PLGRKT: variants seen among roughly 807,000 people sequenced by gnomAD.
The protein encoded by PLGRKT is plasminogen receptor (KT).
Under a neutral mutation model 18.5 loss-of-function variants are expected in PLGRKT, and 22 were observed. The ratio of observed to expected loss-of-function variants is 1.19; its 90% confidence interval spans 0.85 to 1.70. PLGRKT has a LOEUF of 1.70. Ranked by LOEUF, PLGRKT falls within the 40% of genes most tolerant of loss-of-function variation. PLGRKT has a pLI of 0.00. For missense variants in PLGRKT, 235 were observed against 174.4 expected (o/e 1.35, Z -1.96); for synonymous variants, 72 against 52.8 (o/e 1.36, Z -1.58).
chr9:5,425,219 G>C (rs1449523129), intron 3 of PLGRKT, among the ~76,000 whole-genome samples: 2 of 152,120 alleles, frequency 1.3e-5, no homozygotes, highest in African/African-American at 4.8e-5. Flanking sequence ...AATTAGTTTA[G>C]GTGTGCCTCC....
intron 3 of PLGRKT, among the ~76,000 whole-genome samples, chr9:5,416,878 C>A (rs1347450958): frequency 6.6e-6 from 1 of 152,214 alleles, no homozygotes; most frequent in African/African-American, 2.4e-5. Context: ...AACTGTTCTA[C>A]TTTCACTTCC....
intron 3 of PLGRKT, among the ~76,000 whole-genome samples, chr9:5,430,333 G>C (rs533768970): frequency 1.3e-5 from 2 of 152,208 alleles, no homozygotes; most frequent in African/African-American, 2.4e-5. Context: ...GACGTGCTAA[G>C]CATCGGATAG....
intron 3 of PLGRKT, among the ~76,000 whole-genome samples, chr9:5,393,318 T>C (rs7031716): frequency 0.29 from 43,884 of 151,708 alleles, 6,728 homozygotes; most frequent in African/African-American, 0.32. Flanking sequence ...TGTAATAATA[T>C]GAAATATATT....
intron 3 of PLGRKT, among the ~76,000 whole-genome samples, chr9:5,366,008 G>A (rs1393237670): frequency 6.6e-6 from 1 of 152,088 alleles, no homozygotes; most frequent in East Asian, 1.9e-4. Flanking sequence ...CTCTCCATGA[G>A]CAAAACATTC....
rs367638144 is a variant in PLGRKT, at chr9:5,369,733, T to C, written c.82-7845A>G. Among the ~76,000 whole-genome samples, 5 of 152,308 alleles carry C rather than the reference T, an allele frequency of 3.3e-5. No homozygotes were observed. In the East Asian group the frequency reaches 5.8e-4, roughly 18 times the overall value. On this transcript the variant is annotated intron_variant, in intron 3 of 5. Transcript: ENST00000223864. The stretch of plus-strand genomic sequence containing the variant: ...CTGGCTAAAGAAAATGTGGCACATA[T>C]ACACAATGGAATACTGTGTAGCCAT...
At chr9:5,378,298 C>A (rs938890176) in intron 3 of PLGRKT, among the ~76,000 whole-genome samples, 1 of 152,156 alleles carries the variant, frequency 6.6e-6, no homozygotes, top group Non-Finnish European at 1.5e-5. Flanking sequence ...ACCTTCCTTC[C>A]CTATTCCCAG....
At chr9:5,359,518 G>A (rs1186924972) in intron 5 of PLGRKT, among the ~76,000 whole-genome samples, 1 of 152,196 alleles carries the variant, frequency 6.6e-6, no homozygotes, top group African/African-American at 2.4e-5. Context: ...GGCCATTGAT[G>A]ACAGACTAGA....
chr9:5,399,056 C>T (rs893930034), intron 3 of PLGRKT, among the ~76,000 whole-genome samples: 1 of 151,436 alleles, frequency 6.6e-6, no homozygotes, highest in African/African-American at 2.4e-5. Context: ...TTATTCACCA[C>T]ACATTTCCTC....
Position 5,363,226 on chromosome 9 carries a change from T to C in PLGRKT, c.82-1338A>G, listed in dbSNP as rs1377568258. Among the ~76,000 whole-genome samples, 146 of 151,836 alleles carry C rather than the reference T, an allele frequency of 9.6e-4. 1 individual carries two copies. Among genetic ancestry groups the C allele is most frequent in the Non-Finnish European group, 5.9e-5 (4 of 67,938 alleles). ...GCAGCACCCGAGAGTGCTTTTCTGC[T>C]TTGTTTTCTGTTCAATCAACCTGGA... On this transcript the variant is annotated intron_variant, in intron 3 of 5. Transcript: ENST00000223864.
At chr9:5,381,777 G>T in intron 3 of PLGRKT, 1 of 531,638 alleles carries the variant, frequency 1.9e-6, no homozygotes, top group Non-Finnish European at 2.4e-6. Flanking sequence ...TTTATTGTTT[G>T]GAAGTTGGTC....
chr9:5,434,711 C>T (rs12004519), intron 2 of PLGRKT, among the ~76,000 whole-genome samples: 3,447 of 150,996 alleles, frequency 0.023, 127 homozygotes, highest in African/African-American at 0.079. Flanking sequence ...TCTGCCTGGC[C>T]GCTCCGTCTG....
chr9:5,366,911 T>G lies in PLGRKT; in HGVS notation c.82-5023A>C, dbSNP rs116000983. ...CCTAATAAACAACTTCAGTAAAGTT[T>G]CAAGATACAAAATCAACAAACAAAA... On this transcript the variant is annotated intron_variant, in intron 3 of 5. Transcript: ENST00000223864. Among the ~76,000 whole-genome samples, 1,123 of 152,132 alleles carry G rather than the reference T, an allele frequency of 7.4e-3. 14 individuals are homozygous for G. Among genetic ancestry groups the G allele is most frequent in the African/African-American group, 0.026 (1,078 of 41,496 alleles).
intron 3 of PLGRKT, among the ~76,000 whole-genome samples, chr9:5,363,598 G>A (rs768959204): frequency 6.6e-6 from 1 of 152,118 alleles, no homozygotes; most frequent in Non-Finnish European, 1.5e-5. Flanking sequence ...TTTATGCTCT[G>A]CAGTACCTGC....
intron 3 of PLGRKT, among the ~76,000 whole-genome samples, chr9:5,385,630 T>C (rs1254958772): frequency 2.6e-5 from 4 of 151,540 alleles, no homozygotes; most frequent in Admixed American, 6.6e-5. Context: ...TTGGAGAAAG[T>C]AAGGAAGAAC....
In PLGRKT at chr9:5,358,220, T is replaced by G; in HGVS notation, c.*19A>C. The G allele has an allele frequency of 1.3e-6, 2 of 1,593,140 alleles. No homozygotes were observed. On this transcript the variant is annotated 3_prime_UTR_variant, in exon 6 of 6. Transcript: ENST00000223864. The stretch of plus-strand genomic sequence containing the variant: ...AGTCAATAATTCTGTGCTTTGAGAT[T>G]TGATTGGTAAGCATGATTTCATTTG...
intron 3 of PLGRKT, among the ~76,000 whole-genome samples, chr9:5,430,210 G>A (rs1235895594): frequency 6.6e-6 from 1 of 152,174 alleles, no homozygotes; most frequent in Admixed American, 6.5e-5. Context: ...TCTGTAATAG[G>A]CTAACACGTT....
At chr9:5,404,585 T>C (rs1474712145) in intron 3 of PLGRKT, among the ~76,000 whole-genome samples, 1 of 152,200 alleles carries the variant, frequency 6.6e-6, no homozygotes, top group East Asian at 1.9e-4. Context: ...CATCGCTTCA[T>C]GTTAAAAACT....
intron 3 of PLGRKT, among the ~76,000 whole-genome samples, chr9:5,387,998 T>C (rs951796221): frequency 1.3e-5 from 2 of 151,838 alleles, no homozygotes; most frequent in Non-Finnish European, 2.9e-5. Context: ...GGTGACATGA[T>C]GTGTCAAGCA....
At position 5,429,316 on chromosome 9, in the gene PLGRKT, G is replaced by A. The variant is rs866387280; in HGVS notation, c.81+2581C>T. On this transcript the variant is annotated intron_variant, in intron 3 of 5. Transcript: ENST00000223864. Reference sequence around the variant, plus strand: ...AAAATCACTATGAAGCTCCAGTGAGGCCACTGCCCAGTGCAGCAGCACCAC... The same window carrying A: ...AAAATCACTATGAAGCTCCAGTGAGACCACTGCCCAGTGCAGCAGCACCAC... 6.6e-5 allele frequency among the ~76,000 whole-genome samples: 10 copies of A among 152,152 alleles called. No homozygotes were observed. In the South Asian group the frequency reaches 2.1e-3, roughly 32 times the overall value.
Sources: allele counts gnomAD v4.1 joint callset (sites outside exome capture counted in the v4.1 genomes callset), GRCh38; gene constraint gnomAD v4.1.1; transcripts MANE v1.5; gene names NCBI Gene and HGNC (gene_info 2026-07-23, HGNC 2026-07-21).